The following BTK variants were observed in gnomAD, a reference collection of about 807,000 sequenced individuals.
BTK encodes tyrosine-protein kinase BTK.
BTK carries 5 observed loss-of-function variants against 57.4 expected under a neutral mutation model. The ratio of observed to expected loss-of-function variants is 0.09; its 90% CI spans 0.05 to 0.18. BTK has a LOEUF of 0.18. Ranked by LOEUF, BTK falls within the 10% of genes least tolerant of loss-of-function variation. The probability of loss-of-function intolerance (pLI) is 1.00; values close to 1 mark genes in which losing one functional copy is unlikely to be tolerated. For synonymous variants in BTK, 154 were observed against 174.3 expected (o/e 0.88, Z 0.92); for missense variants, 194 against 501.2 (o/e 0.39, Z 5.85).
chrX:101,360,736 G>A lies in BTK; in HGVS notation c.608C>T (p.Pro203Leu), dbSNP rs375531341. The change falls in exon 8 of 19, where the codon CCG becomes CTG. Residue 203 changes from proline (P) to leucine (L), a missense_variant. Physicochemically the swap from Pro to Leu is moderately conservative, Grantham distance 98. Coordinates refer to ENST00000308731, the MANE Select transcript of BTK (RefSeq NM_000061.3). ...EEDQILKKPL[P>L]PEPAAAPVST... ...GACTGGTGCTGCTGCTGGCTCAGGC[G>A]GTAGTGGCTTTTTCAAGATCTATGT... The A allele has an allele frequency of 1.2e-5, 15 of 1,211,236 alleles. No homozygotes were observed. Among genetic ancestry groups the A allele is most frequent in the Non-Finnish European group, 1.6e-5 (14 of 895,234 alleles).
intron 1 of BTK, among the ~76,000 whole-genome samples, chrX:101,385,612 G>A (rs935013254): frequency 2.9e-4 from 33 of 112,396 alleles, no homozygotes; most frequent in African/African-American, 9.7e-4. Context: ...AACGTGGAGC[G>A]TGAGCTTTTA....
At chrX:101,369,792 GCTTC>G (rs1198218624) in intron 5 of BTK, among the ~76,000 whole-genome samples, 3 of 106,492 alleles carry the variant, frequency 2.8e-5, no homozygotes, top group Non-Finnish European at 5.8e-5. Context: ...TTCTTTCCTT[GCTTC>G]CTTCCTTCCT....
Position 101,358,451 on chromosome X carries a change from T to C in BTK, c.975-14A>G. On this transcript the variant is annotated splice_polypyrimidine_tract_variant and intron_variant, in intron 11 of 18. Coordinates refer to ENST00000308731, the MANE Select transcript of BTK (RefSeq NM_000061.3). Reference sequence around the variant, plus strand: ...CCTTGAGGGTCCCTGAAGAAGTGGATGCTTAGTCAGTAACTTGGGCACAAA... The same window carrying C: ...CCTTGAGGGTCCCTGAAGAAGTGGACGCTTAGTCAGTAACTTGGGCACAAA... 2.5e-6 allele frequency: 3 copies of C among 1,211,612 alleles called. No individual in the cohort carries two copies. The highest frequency in any genetic ancestry group is 3.5e-5 in the African/African-American group (2 of 57,810).
chrX:101,352,357 A>G (rs1262977782), intron 18 of BTK, among the ~76,000 whole-genome samples: 5 of 110,585 alleles, frequency 4.5e-5, no homozygotes, highest in Non-Finnish European at 9.5e-5. Context: ...ACAACACCTC[A>G]CTCCCTAAAG....
At position 101,360,491 on chromosome X, in the gene BTK, G is replaced by A. The variant is rs1251630754; in HGVS notation, c.776+77C>T. The A allele has an allele frequency of 3.8e-6, 4 of 1,056,622 alleles. No homozygotes were observed. The Admixed American group carries it at 6.6e-5, about 17-fold the overall frequency. 87.1% of individuals were successfully genotyped at this position (1,056,622 alleles called of 1,213,427 possible). ...AGTCTCTGATGAGGATGCTGATCAC[G>A]GGAATTATGCCGCAGCACTTTTTGC... is the stretch of plus-strand genomic sequence containing the variant. On this transcript the variant is annotated intron_variant, in intron 8 of 18. Transcript: ENST00000308731.
chrX:101,385,565 G>C (rs1398724997), intron 1 of BTK, among the ~76,000 whole-genome samples: 5 of 112,458 alleles, frequency 4.4e-5, no homozygotes, highest in Non-Finnish European at 9.4e-5. Flanking sequence ...CCCTGGCCTA[G>C]CCAGGCCTTT....
At chrX:101,370,490 T>C (rs1310559960) in intron 4 of BTK, among the ~76,000 whole-genome samples, 1 of 111,965 alleles carries the variant, frequency 8.9e-6, no homozygotes, top group African/African-American at 3.2e-5. Flanking sequence ...TCTTGATTAG[T>C]ACATATGGGT....
At position 101,362,346 on chromosome X, in the gene BTK, G is replaced by A; in HGVS notation, c.521-106C>T. ...GTCCATATTGAGTGCCTTTAGGCAA[G>A]TTAGAAAAAGTAGCTAGGCATGCCA... On this transcript the variant is annotated intron_variant, in intron 6 of 18. Coordinates refer to ENST00000308731, the MANE Select transcript of BTK (RefSeq NM_000061.3). 3 of 1,024,479 alleles carry A rather than the reference G, an allele frequency of 2.9e-6. No individual in the cohort carries two copies. In the East Asian group the frequency reaches 9.1e-5, roughly 31 times the overall value. The allele number at this position is 1,024,479 out of a possible 1,213,427, so 84.4% of individuals were successfully genotyped here. A position where few individuals can be genotyped will look rare whatever the true frequency, so the allele number is the denominator to read the frequency against.
At chrX:101,359,559 A>C (rs1417261338) in intron 9 of BTK, among the ~76,000 whole-genome samples, 1 of 111,837 alleles carries the variant, frequency 8.9e-6, no homozygotes, top group Non-Finnish European at 1.9e-5. Context: ...AGGCAAAGGC[A>C]AGCAGCAGGG....
At chrX:101,368,417 C>T (rs1008528274) in intron 5 of BTK, among the ~76,000 whole-genome samples, 5 of 111,904 alleles carry the variant, frequency 4.5e-5, no homozygotes, top group Non-Finnish European at 7.5e-5. Context: ...AACCAAGCAG[C>T]GCAAAACTAT....
chrX:101,349,642 G>A lies in BTK; in HGVS notation c.*243C>T, dbSNP rs782739873. On this transcript the variant is annotated 3_prime_UTR_variant, in exon 19 of 19. Coordinates refer to ENST00000308731, the MANE Select transcript of BTK (RefSeq NM_000061.3). ...CTCCCTCCTAAAAAATATTTTCATC[G>A]CAAATTCAGTCTGTCTTAATTCTCT... The A allele has an allele frequency of 8.8e-5, 32 of 364,371 alleles. No individual in the cohort carries two copies. Among genetic ancestry groups the A allele is most frequent in the Middle Eastern group, 7.4e-4 (1 of 1,358 alleles). 30.0% of individuals were successfully genotyped at this position (364,371 alleles called of 1,213,427 possible).
chrX:101,362,470 C>G (rs1926705391), intron 6 of BTK, 91 bp downstream of exon 6: 1 of 1,178,309 alleles, frequency 8.5e-7, no homozygotes, highest in East Asian at 3.0e-5. Flanking sequence ...AAGTGTACAA[C>G]CTTATGCTAT....
At chrX:101,357,200 A>C (rs1254281291) in intron 13 of BTK, among the ~76,000 whole-genome samples, 1 of 112,012 alleles carries the variant, frequency 8.9e-6, no homozygotes, top group Non-Finnish European at 1.9e-5. Flanking sequence ...AAATCCCTTT[A>C]TGATTATGTT....
intron 1 of BTK, among the ~76,000 whole-genome samples, chrX:101,378,240 C>T (rs1927281609): frequency 9.0e-6 from 1 of 110,709 alleles, no homozygotes; most frequent in African/African-American, 3.3e-5. Context: ...TGTGCCACCA[C>T]ACCTGGCTAA....
chrX:101,358,588 C>T, intron 11 of BTK, 29 bp downstream of exon 11: 1 of 1,192,468 alleles, frequency 8.4e-7, no homozygotes, highest in Non-Finnish European at 1.1e-6. Context: ...TGTTCTTTGT[C>T]CTCAGGGCCT....
At position 101,360,729 on chromosome X, in the gene BTK, C is replaced by A. The variant is rs35877704; in HGVS notation, c.615G>T (p.Glu205Asp). 1.7e-3 allele frequency: 2,111 copies of A among 1,209,517 alleles called. 1 individual carries two copies. The highest frequency in any genetic ancestry group is 2.1e-3 in the Non-Finnish European group (1,836 of 895,181). ...DQILKKPLPP[E>D]PAAAPVSTSE... is the part of the protein sequence containing the mutation. ...TTGTGGAGACTGGTGCTGCTGCTGGCTCAGGCGGTAGTGGCTTTTTCAAGA... is the reference window on the plus strand; with the variant it reads ...TTGTGGAGACTGGTGCTGCTGCTGGATCAGGCGGTAGTGGCTTTTTCAAGA... Residue 205 changes from glutamate to aspartate, a missense_variant, in exon 8 of 19, where the codon GAG becomes GAT. Coordinates refer to ENST00000308731, the MANE Select transcript of BTK (RefSeq NM_000061.3).
intron 3 of BTK, 200 bp downstream of exon 3, chrX:101,374,336 C>T: frequency 2.2e-6 from 1 of 444,550 alleles, no homozygotes; most frequent in South Asian, 3.2e-5. Context: ...ACAAATTTTC[C>T]ATGTTTAGTG....
At chrX:101,376,267 A>G (rs3027622) in intron 1 of BTK, among the ~76,000 whole-genome samples, 1,588 of 112,295 alleles carry the variant, frequency 0.014, 31 homozygotes, top group African/African-American at 0.048. Context: ...GTTTATGCAC[A>G]GTGTAATATT....
chrX:101,357,009 C>A (rs1926507223), intron 13 of BTK, 54 bp from the exon 14 acceptor site: 2 of 1,167,112 alleles, frequency 1.7e-6, no homozygotes, highest in Non-Finnish European at 1.2e-6. Flanking sequence ...ATAATTCTTA[C>A]AATAGACAAA....
Sources: allele counts gnomAD v4.1 joint callset (sites outside exome capture counted in the v4.1 genomes callset), GRCh38; gene constraint gnomAD v4.1.1; transcripts MANE v1.5; gene names NCBI Gene and HGNC (gene_info 2026-07-23, HGNC 2026-07-21).